ERCC6L: variants seen among roughly 807,000 people sequenced by gnomAD.
ERCC6L encodes the protein ERCC excision repair 6 like, spindle assembly checkpoint helicase.
ERCC6L carries 7 observed loss-of-function variants against 20.1 expected under a neutral mutation model. The ratio of observed to expected loss-of-function variants is 0.35; its 90% CI spans 0.20 to 0.65. The LOEUF is 0.65. ERCC6L is among the 30% of genes least tolerant of loss of function. The pLI, the probability that ERCC6L is intolerant of heterozygous loss-of-function variation, is 0.69. For synonymous variants in ERCC6L, 278 were observed against 331.3 expected (o/e 0.84, Z 1.75); for missense variants, 592 against 892.4 (o/e 0.66, Z 4.29).
chrX:72,238,977 T>C lies in ERCC6L; in HGVS notation c.-66A>G, dbSNP rs1015766100. On this transcript the variant is annotated 5_prime_UTR_variant, in exon 1 of 2. Coordinates refer to ENST00000334463, the MANE Select transcript of ERCC6L (RefSeq NM_017669.4). Reference sequence around the variant, plus strand: ...GAGCTTGGAGCTTGGAGCTTGGAGCTTGGAGCTTAGAGTTTGGAGCTTGAA... The same window carrying C: ...GAGCTTGGAGCTTGGAGCTTGGAGCCTGGAGCTTAGAGTTTGGAGCTTGAA... 6.7e-6 allele frequency: 7 copies of C among 1,044,383 alleles called. No homozygotes were observed. The Admixed American group carries it at 1.8e-4, about 27-fold the overall frequency. The allele number at this position is 1,044,383 out of a possible 1,213,427, so 86.1% of individuals were successfully genotyped here. A position where few individuals can be genotyped will look rare whatever the true frequency, so the allele number is the denominator to read the frequency against.
At chrX:72,238,720 C>T in intron 1 of ERCC6L, 124 bp downstream of exon 1, 1 of 592,733 alleles carries the variant, frequency 1.7e-6, no homozygotes, top group Non-Finnish European at 2.6e-6. Context: ...GCGAGAAGAG[C>T]GCGAGCGCGC....
intron 1 of ERCC6L, among the ~76,000 whole-genome samples, chrX:72,221,191 C>G (rs2042921095): frequency 8.9e-6 from 1 of 111,992 alleles, no homozygotes; most frequent in Non-Finnish European, 1.9e-5. Flanking sequence ...TTCTCTCTTT[C>G]TCTCTTCCTC....
chrX:72,208,968 A>T (rs1454045830), intron 1 of ERCC6L, among the ~76,000 whole-genome samples: 4 of 111,365 alleles, frequency 3.6e-5, no homozygotes, highest in African/African-American at 1.3e-4. Flanking sequence ...TTTTTTTTTT[A>T]ATTGGCACCC....
At chrX:72,234,636 CAGTG>C (rs1226277843) in intron 1 of ERCC6L, among the ~76,000 whole-genome samples, 2 of 110,751 alleles carry the variant, frequency 1.8e-5, no homozygotes, top group Non-Finnish European at 3.8e-5. Context: ...GTCCTTATAC[CAGTG>C]AGTGACAAGG....
rs527946547 is a variant in ERCC6L at position 72,219,947 on chromosome X, C to T, written c.69-11249G>A. Among the ~76,000 whole-genome samples, 10 of 110,994 alleles carry T rather than the reference C, an allele frequency of 9.0e-5. No homozygotes were observed. The Middle Eastern group carries it at 0.019, about 206-fold the overall frequency. On this transcript the variant is annotated intron_variant, in intron 1 of 1. Coordinates refer to ENST00000334463, the MANE Select transcript of ERCC6L (RefSeq NM_017669.4). Reference sequence around the variant, plus strand: ...ATCCTTGCCTTGTTCCTGATATGAGCGGGAAAAGCCTTTAGTCTTTCACCA... The same window carrying T: ...ATCCTTGCCTTGTTCCTGATATGAGTGGGAAAAGCCTTTAGTCTTTCACCA...
intron 1 of ERCC6L, among the ~76,000 whole-genome samples, chrX:72,219,414 C>T (rs1388997438): frequency 1.4e-4 from 14 of 103,063 alleles, no homozygotes; most frequent in Non-Finnish European, 2.0e-4. Context: ...ATTAGCCGGG[C>T]GTGGTGGCCT....
At chrX:72,225,241 C>G (rs1047650569) in intron 1 of ERCC6L, among the ~76,000 whole-genome samples, 1 of 111,986 alleles carries the variant, frequency 8.9e-6, no homozygotes, top group Non-Finnish European at 1.9e-5. Flanking sequence ...ATAGGCTACT[C>G]CCAACAACTT....
chrX:72,218,491 T>TTC (rs2042900001), intron 1 of ERCC6L, among the ~76,000 whole-genome samples: 1 of 103,344 alleles, frequency 9.7e-6, no homozygotes, highest in African/African-American at 3.7e-5. Flanking sequence ...GTCAATTTCT[T>TTC]TCTCTTTTTT....
rs868101885 is a variant in ERCC6L, at chrX:72,205,414, C to T, written c.3353G>A (p.Ser1118Asn). 5.0e-6 allele frequency: 6 copies of T among 1,212,042 alleles called. No individual in the cohort carries two copies. In the Middle Eastern group the frequency reaches 1.1e-3, roughly 232 times the overall value. The part of the protein sequence containing the change: ...EDMEERLDDS[S>N]EAKGPEDYPE... ...ATAATCTTCAGGACCCTTTGCTTCA[C>T]TGCTGTCGTCAAGTCTTTCCTCCAT... is the stretch of plus-strand genomic sequence containing the variant. Residue 1118 changes from serine (S) to asparagine (N), a missense_variant, in exon 2 of 2, where the codon AGT (serine) becomes AAT (asparagine). Around this residue, in one of 3 missense-constraint regions of ERCC6L, gnomAD observed 352 missense variants for 402.6 expected, o/e 0.87. Coordinates refer to ENST00000334463, the MANE Select transcript of ERCC6L (RefSeq NM_017669.4).
In ERCC6L at chrX:72,222,597, T is replaced by C. The variant is rs190052265; in HGVS notation, c.69-13899A>G. ...AAGGAGCCCCAGGAGAATCCAGCCT[T>C]TTTTTTTTTTTTTTTTTTTAGATGG... On this transcript the variant is annotated intron_variant, in intron 1 of 1. Coordinates refer to ENST00000334463, the MANE Select transcript of ERCC6L (RefSeq NM_017669.4). Among the ~76,000 whole-genome samples, 594 of 43,629 alleles carry C rather than the reference T, an allele frequency of 0.014. 8 individuals are homozygous for C. In the East Asian group the frequency reaches 0.22, roughly 16 times the overall value. 37.9% of individuals were successfully genotyped at this position (43,629 alleles called of 115,157 possible). A position where few individuals can be genotyped will look rare whatever the true frequency, so the allele number is the denominator to read the frequency against.
Position 72,206,133 on chromosome X carries a change from C to T in ERCC6L, c.2634G>A (p.Gly878=), listed in dbSNP as rs758115430. Residue 878 remains glycine (G), a synonymous_variant, in exon 2 of 2, where the codon GGG becomes GGA. Coordinates refer to ENST00000334463, the MANE Select transcript of ERCC6L (RefSeq NM_017669.4). ...CATCCTTTAGTTGATCTAAATTTGG[C>T]CCAATATCAGCTTTGGTTGATTTGC... is the stretch of plus-strand genomic sequence containing the variant. ...VLSKSTKADI[G]PNLDQLKDDE... 8 of 1,209,937 alleles carry T rather than the reference C, an allele frequency of 6.6e-6. No individual in the cohort carries two copies. The Middle Eastern group carries it at 9.1e-4, about 138-fold the overall frequency.
intron 1 of ERCC6L, among the ~76,000 whole-genome samples, chrX:72,210,646 TC>T (rs913703247): frequency 2.9e-4 from 32 of 110,633 alleles, no homozygotes; most frequent in African/African-American, 9.9e-4. Flanking sequence ...TGGGCCAGAG[TC>T]CCCACTAATC....
chrX:72,221,892 G>A (rs189287595), intron 1 of ERCC6L, among the ~76,000 whole-genome samples: 49 of 109,320 alleles, frequency 4.5e-4, no homozygotes, highest in East Asian at 3.2e-3. Context: ...ATCCCTTCCC[G>A]CGAAAACCCT....
At chrX:72,218,515 CAA>C (rs1173329861) in intron 1 of ERCC6L, among the ~76,000 whole-genome samples, 43 of 95,245 alleles carry the variant, frequency 4.5e-4, no homozygotes, top group Admixed American at 5.9e-4. Context: ...TTTTTGGAAA[CAA>C]GAGTCTCGCT....
intron 1 of ERCC6L, among the ~76,000 whole-genome samples, chrX:72,231,324 G>A (rs1268518963): frequency 3.6e-5 from 4 of 111,669 alleles, no homozygotes; most frequent in Non-Finnish European, 7.5e-5. Context: ...GGCACGGAGA[G>A]ACAAATACTC....
chrX:72,212,624 A>G (rs748221285), intron 1 of ERCC6L, among the ~76,000 whole-genome samples: 27 of 112,120 alleles, frequency 2.4e-4, no homozygotes, highest in Non-Finnish European at 4.3e-4. Context: ...CCTTTAGAAC[A>G]TTCCCTACAA....
At chrX:72,219,031 G>A (rs1480325797) in intron 1 of ERCC6L, among the ~76,000 whole-genome samples, 2 of 112,417 alleles carry the variant, frequency 1.8e-5, no homozygotes, top group East Asian at 2.8e-4. Flanking sequence ...TGAGGTGGGC[G>A]GACCACCTGA....
chrX:72,221,551 C>G (rs1337450274), intron 1 of ERCC6L, among the ~76,000 whole-genome samples: 1 of 111,394 alleles, frequency 9.0e-6, no homozygotes, highest in Non-Finnish European at 1.9e-5. Context: ...CCCCACTGGG[C>G]TGCCTCCTTC....
chrX:72,205,317 T>C lies in ERCC6L; in HGVS notation c.3450A>G (p.Thr1150=), dbSNP rs761740948. The change falls in exon 2 of 2, where the codon ACA becomes ACG. Residue 1150 remains threonine, a synonymous_variant. Coordinates refer to ENST00000334463, the MANE Select transcript of ERCC6L (RefSeq NM_017669.4). ...KYTEEDPSGE[T]LSSENKSSWL... is the part of the protein sequence containing the mutation. The stretch of plus-strand genomic sequence containing the variant: ...AGCTGGACTTGTTTTCTGAAGACAG[T>C]GTTTCTCCGGAAGGATCCTCTTCTG... 12 of 1,210,478 alleles carry C rather than the reference T, an allele frequency of 9.9e-6. No individual in the cohort carries two copies. In the African/African-American group the frequency reaches 1.2e-4, roughly 12 times the overall value.
Sources: allele counts gnomAD v4.1 joint callset (sites outside exome capture counted in the v4.1 genomes callset), GRCh38; gene constraint gnomAD v4.1.1; regional missense constraint gnomAD v4.1.1; transcripts MANE v1.5; gene names NCBI Gene and HGNC (gene_info 2026-07-23, HGNC 2026-07-21).